Variants in DOCK3 observed in about 807,000 individuals in gnomAD.
The protein encoded by DOCK3 is dedicator of cytokinesis 3, also known as dedicator of cytokinesis protein 3.
In DOCK3, 60 loss-of-function variants were observed where a neutral mutation model predicts 265.6. The observed-to-expected ratio is 0.23, with a 90% CI of 0.18 to 0.28. DOCK3 has a LOEUF of 0.28. DOCK3 is among the 10% of genes least tolerant of loss of function. The probability of loss-of-function intolerance (pLI) is 1.00; values close to 1 mark genes in which losing one functional copy is unlikely to be tolerated. For missense variants in DOCK3, 1,981 were observed against 2,594.3 expected (o/e 0.76, Z 5.14); for synonymous variants, 881 against 938.0 (o/e 0.94, Z 1.11).
chr3:51,176,789 GAA>G (rs1412895328), intron 12 of DOCK3, among the ~76,000 whole-genome samples: 1 of 152,050 alleles, frequency 6.6e-6, no homozygotes, highest in Non-Finnish European at 1.5e-5. Context: ...AATCAAATAA[GAA>G]AGAGATGAAA....
At chr3:51,195,125 C>T (rs904075879) in intron 12 of DOCK3, among the ~76,000 whole-genome samples, 1 of 151,648 alleles carries the variant, frequency 6.6e-6, no homozygotes, top group African/African-American at 2.4e-5. Context: ...GCGCCTGGCC[C>T]GAGTTTTTTG....
chr3:51,153,568 A>T (rs1265058164), intron 10 of DOCK3, among the ~76,000 whole-genome samples: 2 of 152,196 alleles, frequency 1.3e-5, no homozygotes, highest in African/African-American at 4.8e-5. Context: ...GGAAATGCAG[A>T]AATCACCATC....
At chr3:50,826,562 G>C (rs2044767744) in intron 2 of DOCK3, among the ~76,000 whole-genome samples, 1 of 152,128 alleles carries the variant, frequency 6.6e-6, no homozygotes, top group Admixed American at 6.5e-5. Context: ...ATGAAAGATG[G>C]CCACATTTCA....
chr3:50,958,835 T>C (rs1334137784), intron 5 of DOCK3, among the ~76,000 whole-genome samples: 1 of 152,120 alleles, frequency 6.6e-6, no homozygotes, highest in Non-Finnish European at 1.5e-5. Context: ...CCAAATGAAA[T>C]GGATTTAATA....
At chr3:50,856,496 G>T (rs1308924280) in intron 3 of DOCK3, among the ~76,000 whole-genome samples, 1 of 151,820 alleles carries the variant, frequency 6.6e-6, no homozygotes, top group African/African-American at 2.4e-5. Context: ...CTTTTGAGAA[G>T]TTTTTGTTCA....
intron 9 of DOCK3, among the ~76,000 whole-genome samples, chr3:51,097,162 G>T (rs2082891737): frequency 6.6e-6 from 1 of 152,362 alleles, no homozygotes; most frequent in Non-Finnish European, 1.5e-5. Flanking sequence ...GCTGTCTTCA[G>T]ATTCACAGGC....
At chr3:50,971,960 G>A (rs1249618191) in intron 5 of DOCK3, among the ~76,000 whole-genome samples, 1 of 152,192 alleles carries the variant, frequency 6.6e-6, no homozygotes, top group African/African-American at 2.4e-5. Flanking sequence ...ACCTATACAG[G>A]CAGGAATATG....
chr3:51,169,757 A>G (rs2107616855), intron 12 of DOCK3, among the ~76,000 whole-genome samples: 1 of 152,278 alleles, frequency 6.6e-6, no homozygotes, highest in African/African-American at 2.4e-5. Context: ...AAAAAAAAAA[A>G]AGAAATGGTC....
At chr3:51,016,598 T>C (rs1166643611) in intron 5 of DOCK3, among the ~76,000 whole-genome samples, 3 of 87,288 alleles carry the variant, frequency 3.4e-5, no homozygotes, top group Non-Finnish European at 6.0e-5. Context: ...ATATTATATA[T>C]GATATATATA....
intron 2 of DOCK3, among the ~76,000 whole-genome samples, chr3:50,799,341 C>A (rs1303820191): frequency 6.6e-6 from 1 of 152,186 alleles, no homozygotes; most frequent in Non-Finnish European, 1.5e-5. Context: ...TTTTCTGATT[C>A]ATGAACTTGG....
At chr3:51,152,700 G>A (rs2085661864) in intron 10 of DOCK3, among the ~76,000 whole-genome samples, 1 of 152,168 alleles carries the variant, frequency 6.6e-6, no homozygotes, top group Non-Finnish European at 1.5e-5. Context: ...CCTTTTTGTT[G>A]ATGTTGATGC....
At chr3:51,049,299 C>G (rs1022052494) in intron 5 of DOCK3, among the ~76,000 whole-genome samples, 1 of 148,246 alleles carries the variant, frequency 6.7e-6, no homozygotes, top group African/African-American at 2.5e-5. Flanking sequence ...GCACTCCTGC[C>G]TGGGTGAAAG....
chr3:50,975,808 C>T (rs1250257480), intron 5 of DOCK3, among the ~76,000 whole-genome samples: 1 of 151,680 alleles, frequency 6.6e-6, no homozygotes, highest in Non-Finnish European at 1.5e-5. Flanking sequence ...TGATTATTGC[C>T]ACAATTTCAG....
chr3:51,166,290 A>T (rs889538822), intron 12 of DOCK3, among the ~76,000 whole-genome samples: 1 of 152,056 alleles, frequency 6.6e-6, no homozygotes, highest in African/African-American at 2.4e-5. Context: ...ACCTCAGATG[A>T]TCCGCCTGCC....
At chr3:51,193,820 T>C (rs2088101700) in intron 12 of DOCK3, among the ~76,000 whole-genome samples, 1 of 150,312 alleles carries the variant, frequency 6.7e-6, no homozygotes, top group Non-Finnish European at 1.5e-5. Flanking sequence ...TTTTTTTTCT[T>C]GGTTAGTCTA....
intron 1 of DOCK3, among the ~76,000 whole-genome samples, chr3:50,700,767 A>G (rs899159070): frequency 6.6e-6 from 1 of 152,158 alleles, no homozygotes; most frequent in Non-Finnish European, 1.5e-5. Context: ...CCTTTGATAT[A>G]TACTGATTTC....
In DOCK3 at chr3:50,832,525, A is replaced by G. The variant is rs529057101; in HGVS notation, c.122-9150A>G. 7.9e-5 allele frequency among the ~76,000 whole-genome samples: 12 copies of G among 152,308 alleles called. 1 individual carries two copies. In the South Asian group the frequency reaches 2.5e-3, roughly 32 times the overall value. On this transcript the variant is annotated intron_variant, in intron 2 of 52. Coordinates refer to ENST00000266037, the MANE Select transcript of DOCK3 (RefSeq NM_004947.5). The stretch of plus-strand genomic sequence containing the variant: ...TTAAACAAATTTAGAAGAAAAGTGC[A>G]ACCTGTTTTATTAGCAAGGTCTTTG...
At chr3:50,887,362 C>A (rs1395313559) in intron 3 of DOCK3, among the ~76,000 whole-genome samples, 2 of 140,018 alleles carry the variant, frequency 1.4e-5, no homozygotes, top group Non-Finnish European at 3.1e-5. Context: ...GAAATGGAGA[C>A]AGTAATTAAT....
At chr3:51,212,378 G>A (rs1052334704) in intron 13 of DOCK3, among the ~76,000 whole-genome samples, 3 of 151,110 alleles carry the variant, frequency 2.0e-5, no homozygotes, top group African/African-American at 7.3e-5. Flanking sequence ...ACAAAAGGCA[G>A]TCAGTGAGTA....
Sources: gnomAD v4.1 joint callset for allele counts (sites outside exome capture counted in the v4.1 genomes callset) on GRCh38, gnomAD v4.1.1 for gene constraint, MANE v1.5 for transcripts, NCBI Gene and HGNC (gene_info 2026-07-23, HGNC 2026-07-21) for gene names.